Variants in RANBP2 observed in about 807,000 individuals in gnomAD.
RANBP2 encodes the protein RAN binding protein 2.
In RANBP2, 57 loss-of-function variants were observed where a neutral mutation model predicts 303.6. The ratio of observed to expected loss-of-function variants is 0.19; its 90% CI spans 0.15 to 0.23. The LOEUF (loss-of-function observed/expected upper bound fraction) is 0.23. Ranked by LOEUF, RANBP2 falls within the 10% of genes least tolerant of loss-of-function variation. RANBP2 has a pLI of 1.00. For missense variants in RANBP2, 3,138 were observed against 3,780.8 expected, an observed-to-expected ratio of 0.83 and a Z score of 4.46; for synonymous variants, 1,167 against 1,301.5, an observed-to-expected ratio of 0.90 and a Z score of 2.23.
intron 6 of RANBP2, among the ~76,000 whole-genome samples, chr2:108,738,628 CTTTTT>C (rs373620543): frequency 7.3e-6 from 1 of 136,612 alleles, no homozygotes. Flanking sequence ...ATAATAATAG[CTTTTT>C]TTTTTTTTTT....
At chr2:109,570,029 A>G in the RANBP2 span, among the ~76,000 whole-genome samples, 1 of 151,248 alleles carries the variant, frequency 6.6e-6, no homozygotes, top group South Asian at 2.1e-4. Flanking sequence ...TGCCCCTACA[A>G]AAAAAAAACC....
chr2:109,000,578 A>G, the RANBP2 span, among the ~76,000 whole-genome samples: 2 of 152,094 alleles, frequency 1.3e-5, no homozygotes, highest in African/African-American at 4.8e-5. Context: ...CATAAATAAA[A>G]AGTAAAGCCT....
chr2:109,191,752 A>G, the RANBP2 span, among the ~76,000 whole-genome samples: 2 of 152,224 alleles, frequency 1.3e-5, no homozygotes, highest in Non-Finnish European at 2.9e-5. Flanking sequence ...GCCAGGCTCC[A>G]GCAGTCACAG....
the RANBP2 span, among the ~76,000 whole-genome samples, chr2:109,516,642 C>T: frequency 1.3e-5 from 2 of 152,092 alleles, no homozygotes; most frequent in Non-Finnish European, 2.9e-5. Context: ...GGGAAGGAGG[C>T]GAGCCCGTGT....
the RANBP2 span, among the ~76,000 whole-genome samples, chr2:109,027,523 C>T: frequency 6.6e-6 from 1 of 152,088 alleles, no homozygotes; most frequent in Non-Finnish European, 1.5e-5. Flanking sequence ...CTGAGCCTGG[C>T]ATGTCCATCC....
the RANBP2 span, among the ~76,000 whole-genome samples, chr2:109,493,642 A>G: frequency 1.3e-5 from 2 of 151,634 alleles, no homozygotes; most frequent in Admixed American, 1.3e-4. Context: ...TGCTGCAAAC[A>G]CACACCATAC....
At chr2:108,984,399 C>T in the RANBP2 span, among the ~76,000 whole-genome samples, 1 of 152,206 alleles carries the variant, frequency 6.6e-6, no homozygotes. Context: ...TTCTGTTTGC[C>T]TTTCCATCAC....
the RANBP2 span, among the ~76,000 whole-genome samples, chr2:108,837,293 C>T: frequency 2.0e-5 from 3 of 152,092 alleles, no homozygotes. Context: ...TTGAAATAAT[C>T]GTGTGGGTTT....
the RANBP2 span, chr2:108,930,311 C>CAAG: frequency 6.2e-7 from 1 of 1,606,994 alleles, no homozygotes; most frequent in Non-Finnish European, 8.5e-7. Flanking sequence ...TGCAAGACCC[C>CAAG]AAGGTTGACA....
At chr2:109,052,928 A>T in the RANBP2 span, among the ~76,000 whole-genome samples, 1 of 152,238 alleles carries the variant, frequency 6.6e-6, no homozygotes, top group African/African-American at 2.4e-5. Flanking sequence ...ACATTTCTCT[A>T]TGTTTGTCCT....
the RANBP2 span, among the ~76,000 whole-genome samples, chr2:109,520,695 C>T: frequency 7.3e-6 from 1 of 136,528 alleles, no homozygotes; most frequent in African/African-American, 2.5e-5. Flanking sequence ...CTTTGGGAGG[C>T]CAAGGCAGGT....
At chr2:109,612,710 C>T in the RANBP2 span, among the ~76,000 whole-genome samples, 4 of 152,256 alleles carry the variant, frequency 2.6e-5, no homozygotes, top group Middle Eastern at 6.8e-3. Flanking sequence ...CCTCAATTTT[C>T]CCTCACTCAC....
chr2:109,203,042 T>C, the RANBP2 span, among the ~76,000 whole-genome samples: 1 of 152,118 alleles, frequency 6.6e-6, no homozygotes, highest in Non-Finnish European at 1.5e-5. Flanking sequence ...CCTACAGTGA[T>C]TGGAGGGGAA....
the RANBP2 span, among the ~76,000 whole-genome samples, chr2:109,437,918 G>T: frequency 6.6e-6 from 1 of 152,132 alleles, no homozygotes; most frequent in African/African-American, 2.4e-5. Flanking sequence ...AGCCAGTGAT[G>T]CTGACATGAT....
At chr2:109,293,761 G>A in the RANBP2 span, among the ~76,000 whole-genome samples, 148 of 152,346 alleles carry the variant, frequency 9.7e-4, no homozygotes, top group Non-Finnish European at 1.6e-3. Flanking sequence ...CATGTGAACA[G>A]GGTGCACCCT....
At chr2:109,579,289 T>A in the RANBP2 span, among the ~76,000 whole-genome samples, 2 of 152,144 alleles carry the variant, frequency 1.3e-5, no homozygotes, top group Non-Finnish European at 1.5e-5. Flanking sequence ...ACTCAAAATC[T>A]TCTTAGAAAA....
chr2:108,775,692 C>T, intron 23 of RANBP2, 40 bp from the exon 24 acceptor site: 1 of 1,594,530 alleles, frequency 6.3e-7, no homozygotes. Context: ...TGTAAATTAG[C>T]ATTTAAGTGG....
At chr2:109,133,656 C>T in the RANBP2 span, among the ~76,000 whole-genome samples, 1 of 151,882 alleles carries the variant, frequency 6.6e-6, no homozygotes, top group Non-Finnish European at 1.5e-5. Flanking sequence ...TCATTTACAC[C>T]TGATTTGACC....
At chr2:109,505,594 A>G in the RANBP2 span, among the ~76,000 whole-genome samples, 1 of 152,184 alleles carries the variant, frequency 6.6e-6, no homozygotes, top group Admixed American at 6.5e-5. Context: ...CAGGCCTGGC[A>G]CTGTGGTAAG....
Sources: allele counts gnomAD v4.1 joint callset (sites outside exome capture counted in the v4.1 genomes callset), GRCh38; gene constraint gnomAD v4.1.1; transcripts MANE v1.5; gene names NCBI Gene and HGNC (gene_info 2026-07-23, HGNC 2026-07-21).